The following SORCS1 variants were observed in gnomAD, a reference collection of about 807,000 sequenced individuals.
SORCS1 encodes the protein VPS10 domain-containing receptor SorCS1.
SORCS1 carries 60 observed loss-of-function variants against 146.1 expected under a neutral mutation model. The ratio of observed to expected loss-of-function variants is 0.41; its 90% confidence interval spans 0.33 to 0.51. The LOEUF (loss-of-function observed/expected upper bound fraction) is 0.51. SORCS1 is among the 20% of genes least tolerant of loss of function. SORCS1 has a pLI of 0.21. For missense variants in SORCS1, 1,352 were observed against 1,487.6 expected (o/e 0.91, Z 1.50); for synonymous variants, 637 against 584.0 (o/e 1.09, Z -1.31).
intron 4 of SORCS1, among the ~76,000 whole-genome samples, chr10:106,767,322 T>G (rs1222074871): frequency 1.3e-5 from 2 of 152,054 alleles, no homozygotes; most frequent in Non-Finnish European, 2.9e-5. Flanking sequence ...GGTGGTACTC[T>G]GAAGCTTGGA....
At chr10:106,778,096 C>T (rs990012782) in intron 3 of SORCS1, among the ~76,000 whole-genome samples, 19 of 152,230 alleles carry the variant, frequency 1.2e-4, no homozygotes, top group South Asian at 1.0e-3. Flanking sequence ...AGCCTCTGAA[C>T]AGTTAGTGTC....
chr10:107,053,892 T>G (rs188974575), intron 1 of SORCS1, among the ~76,000 whole-genome samples: 1 of 152,298 alleles, frequency 6.6e-6, no homozygotes, highest in Admixed American at 6.5e-5. Context: ...AGCACTCGTT[T>G]CTATACAGAG....
At chr10:106,903,245 T>G (rs534056701) in intron 2 of SORCS1, among the ~76,000 whole-genome samples, 7 of 152,324 alleles carry the variant, frequency 4.6e-5, no homozygotes, top group Admixed American at 4.6e-4. Context: ...CATGGGCATT[T>G]GCTAATTCTA....
chr10:106,636,213 T>C (rs781302414), intron 18 of SORCS1, among the ~76,000 whole-genome samples: 53 of 151,796 alleles, frequency 3.5e-4, no homozygotes, highest in Admixed American at 9.8e-4. Flanking sequence ...TGAGCCATGA[T>C]TGCACCACTG....
rs1376153778 is a variant in SORCS1, at chr10:106,573,796, T to C, written c.*3624A>G. On this transcript the variant is annotated 3_prime_UTR_variant, in exon 26 of 26. Transcript: ENST00000263054. ...AAAACCTCAAGCCTGTGGTGTTTAC[T>C]CTTTCTTATGCAATTAGCCTTTATG... 3 of 152,464 alleles carry C rather than the reference T, an allele frequency of 2.0e-5. No individual in the cohort carries two copies. Among genetic ancestry groups the C allele is most frequent in the African/African-American group, 7.2e-5 (3 of 41,448 alleles). 9.4% of individuals were successfully genotyped at this position (152,464 alleles called of 1,614,324 possible).
intron 4 of SORCS1, among the ~76,000 whole-genome samples, chr10:106,771,998 A>G (rs1213332165): frequency 6.6e-6 from 1 of 152,250 alleles, no homozygotes; most frequent in Admixed American, 6.5e-5. Context: ...CCTCTTGGCA[A>G]CTATGATGGT....
chr10:106,870,140 G>A (rs1017434503), intron 2 of SORCS1, among the ~76,000 whole-genome samples: 2 of 152,110 alleles, frequency 1.3e-5, no homozygotes, highest in African/African-American at 4.8e-5. Context: ...AACCAAGGTG[G>A]TGAAATATTT....
intron 1 of SORCS1, among the ~76,000 whole-genome samples, chr10:107,082,672 G>A (rs967948114): frequency 3.3e-5 from 5 of 151,918 alleles, no homozygotes; most frequent in Non-Finnish European, 7.4e-5. Flanking sequence ...GGTAGATACC[G>A]GGTTTCACCA....
chr10:106,737,156 G>T (rs1857011407), intron 5 of SORCS1, among the ~76,000 whole-genome samples: 1 of 152,108 alleles, frequency 6.6e-6, no homozygotes, highest in Non-Finnish European at 1.5e-5. Flanking sequence ...GCAGTGAGGA[G>T]ATGAAGATGT....
In SORCS1 at chr10:106,756,216, A is replaced by G. The variant is rs79434616; in HGVS notation, c.959+5372T>C. On this transcript the variant is annotated intron_variant, in intron 5 of 25. Coordinates refer to ENST00000263054, the MANE Select transcript of SORCS1 (RefSeq NM_052918.5). ...TGGGGAAAGCAAACCTGATCATAAG[A>G]CAACACAAAGAAAAACAAAACTAAT... is the stretch of plus-strand genomic sequence containing the variant. 9.1e-3 allele frequency among the ~76,000 whole-genome samples: 1,392 copies of G among 152,314 alleles called. 22 individuals carry two copies. The highest frequency in any genetic ancestry group is 0.032 in the African/African-American group (1,322 of 41,592).
intron 2 of SORCS1, among the ~76,000 whole-genome samples, chr10:106,832,487 C>T (rs1948593799): frequency 6.6e-6 from 1 of 152,150 alleles, no homozygotes; most frequent in South Asian, 2.1e-4. Flanking sequence ...AGGCACCCGG[C>T]CCCTAGTCCA....
At position 106,786,575 on chromosome 10, in the gene SORCS1, T is replaced by G. The variant is rs150684751; in HGVS notation, c.727-9883A>C. Among the ~76,000 whole-genome samples the G allele has an allele frequency of 2.0e-5, 3 of 152,212 alleles. No individual in the cohort carries two copies. The East Asian group carries it at 5.8e-4, about 29-fold the overall frequency. ...ATCCTTGGAAGACCCAGGACATCAA[T>G]TTTGCCACATGCTATTGGTCAAAGA... On this transcript the variant is annotated intron_variant, in intron 3 of 25. Transcript: ENST00000263054.
At chr10:106,758,293 A>T (rs1482999474) in intron 5 of SORCS1, among the ~76,000 whole-genome samples, 2 of 152,184 alleles carry the variant, frequency 1.3e-5, no homozygotes, top group African/African-American at 2.4e-5. Flanking sequence ...GTGACATAGA[A>T]AACACTGTAT....
At chr10:106,893,251 G>C (rs55779673) in intron 2 of SORCS1, among the ~76,000 whole-genome samples, 3,795 of 152,072 alleles carry the variant, frequency 0.025, 142 homozygotes, top group African/African-American at 0.085. Context: ...CCAAGCATAG[G>C]GCTTTTGGTC....
intron 2 of SORCS1, among the ~76,000 whole-genome samples, chr10:106,902,986 G>C (rs1456236815): frequency 6.6e-6 from 1 of 152,218 alleles, no homozygotes; most frequent in Non-Finnish European, 1.5e-5. Context: ...GCTGAGTTAG[G>C]AGAATCGCTT....
intron 3 of SORCS1, among the ~76,000 whole-genome samples, chr10:106,813,131 T>C (rs2136817342): frequency 7.2e-6 from 1 of 138,532 alleles, no homozygotes; most frequent in Non-Finnish European, 1.6e-5. Flanking sequence ...CTCTTTTCTT[T>C]TTTTTTTTTT....
At chr10:107,156,055 G>A (rs577984991) in intron 1 of SORCS1, among the ~76,000 whole-genome samples, 14 of 152,160 alleles carry the variant, frequency 9.2e-5, no homozygotes, top group Non-Finnish European at 1.6e-4. Flanking sequence ...ATCATGGAGC[G>A]GGTTATTGCC....
At chr10:107,033,865 T>C (rs569160726) in intron 1 of SORCS1, among the ~76,000 whole-genome samples, 3 of 152,330 alleles carry the variant, frequency 2.0e-5, no homozygotes, top group South Asian at 2.1e-4. Flanking sequence ...AGGAGAACTT[T>C]CCAGCCATGT....
intron 22 of SORCS1, among the ~76,000 whole-genome samples, chr10:106,610,606 G>C (rs1268932089): frequency 2.6e-5 from 4 of 152,068 alleles, no homozygotes; most frequent in African/African-American, 9.7e-5. Context: ...TCATCTTTTT[G>C]TGTCCTGTGG....
Sources: allele counts gnomAD v4.1 joint callset (sites outside exome capture counted in the v4.1 genomes callset), GRCh38; gene constraint gnomAD v4.1.1; transcripts MANE v1.5; gene names NCBI Gene and HGNC (gene_info 2026-07-23, HGNC 2026-07-21).